The following PRKAR1B variants were observed in gnomAD, a reference collection of about 807,000 sequenced individuals.
The protein encoded by PRKAR1B is protein kinase cAMP-dependent type I regulatory subunit beta, also known as cAMP-dependent protein kinase type I-beta regulatory subunit.
PRKAR1B carries 22 observed loss-of-function variants against 46.5 expected under a neutral mutation model. That is an observed-to-expected ratio of 0.47 (90% CI 0.34 to 0.68). PRKAR1B has a LOEUF of 0.68. Ranked by LOEUF, PRKAR1B falls within the 30% of genes least tolerant of loss-of-function variation. PRKAR1B has a pLI of 0.01. For missense variants in PRKAR1B, 445 were observed against 535.6 expected (o/e 0.83, Z 1.67); for synonymous variants, 259 against 217.7 (o/e 1.19, Z -1.67).
chr7:574,086 C>T (rs1014317020), intron 9 of PRKAR1B, among the ~76,000 whole-genome samples: 5 of 152,240 alleles, frequency 3.3e-5, no homozygotes, highest in African/African-American at 9.6e-5. Context: ...TCTGTGAAGA[C>T]GCACCCACGA....
chr7:557,119 T>G (rs536561557), intron 9 of PRKAR1B, among the ~76,000 whole-genome samples: 151 of 152,168 alleles, frequency 9.9e-4, no homozygotes, highest in African/African-American at 3.4e-3. Flanking sequence ...GGGAGCGCGG[T>G]CTCCTCAGCG....
intron 4 of PRKAR1B, among the ~76,000 whole-genome samples, chr7:631,502 C>T (rs989003348): frequency 6.6e-6 from 1 of 152,210 alleles, no homozygotes; most frequent in Non-Finnish European, 1.5e-5. Flanking sequence ...AGCACCCAGA[C>T]AGAAGCCAGT....
intron 2 of PRKAR1B, 41 bp from the exon 3 acceptor site, chr7:680,767 G>C (rs772199315): frequency 5.0e-5 from 81 of 1,611,096 alleles, no homozygotes; most frequent in Non-Finnish European, 6.3e-5. Flanking sequence ...GTAAGAACCT[G>C]GCTGTCCCGG....
chr7:693,561 C>T (rs115333110), intron 2 of PRKAR1B, among the ~76,000 whole-genome samples: 5,092 of 152,214 alleles, frequency 0.033, 310 homozygotes, highest in African/African-American at 0.12. Flanking sequence ...GGTTCGTCCG[C>T]GCTGTGCTGC....
intron 2 of PRKAR1B, among the ~76,000 whole-genome samples, chr7:685,306 ACG>A (rs373947057): frequency 0.063 from 839 of 13,370 alleles, 132 homozygotes; most frequent in African/African-American, 0.15. Context: ...ATATATATAT[ACG>A]TATATATACG....
At chr7:621,487 T>A (rs1783105550) in intron 4 of PRKAR1B, among the ~76,000 whole-genome samples, 1 of 152,222 alleles carries the variant, frequency 6.6e-6, no homozygotes, top group African/African-American at 2.4e-5. Context: ...AAAGCAAGAA[T>A]TCAGCTCACC....
At chr7:572,901 G>T (rs1270536151) in intron 9 of PRKAR1B, among the ~76,000 whole-genome samples, 2 of 152,242 alleles carry the variant, frequency 1.3e-5, no homozygotes, top group Non-Finnish European at 2.9e-5. Context: ...AGACAGGGCA[G>T]GACGCCGGCC....
intron 6 of PRKAR1B, among the ~76,000 whole-genome samples, chr7:604,894 C>G (rs1222837342): frequency 6.6e-6 from 1 of 151,990 alleles, no homozygotes; most frequent in African/African-American, 2.4e-5. Context: ...GGCAGGCATC[C>G]CAGACCCAGA....
intron 9 of PRKAR1B, among the ~76,000 whole-genome samples, chr7:562,191 C>T (rs1406070686): frequency 6.7e-6 from 1 of 149,382 alleles, no homozygotes; most frequent in African/African-American, 2.5e-5. Flanking sequence ...CTGCAGGTTC[C>T]GGGGAACCAG....
At chr7:590,870 C>T (rs1033292220) in intron 7 of PRKAR1B, among the ~76,000 whole-genome samples, 5 of 152,156 alleles carry the variant, frequency 3.3e-5, no homozygotes, top group Admixed American at 6.5e-5. Flanking sequence ...TTTTCAGAAA[C>T]GCCGAGCCCA....
Position 606,213 on chromosome 7 carries a change from CG to C in PRKAR1B, c.528del (p.Val177LeufsTer10). 1 of 1,613,946 alleles carries C rather than the reference CG, an allele frequency of 6.2e-7. No homozygotes were observed. The highest frequency in any genetic ancestry group is 8.5e-7 in the Non-Finnish European group (1 of 1,179,878). On this transcript the variant is annotated frameshift_variant, in exon 6 of 11. Transcript: ENST00000537384. LOFTEE classifies it high-confidence loss of function. Reference sequence around the variant, plus strand: ...CTCACATCCACTTCCCCTTGATCAACGACATAGAAGTTGTCTCCTTCATTCC... The same window carrying C: ...CTCACATCCACTTCCCCTTGATCAACACATAGAAGTTGTCTCCTTCATTCC... The part of the protein sequence containing the change: ...QQGNEGDNFY[V>X]VDQGEVDVYV...
At chr7:709,717 G>C (rs1780523646) in intron 2 of PRKAR1B, among the ~76,000 whole-genome samples, 1 of 152,102 alleles carries the variant, frequency 6.6e-6, no homozygotes, top group Non-Finnish European at 1.5e-5. Context: ...GCCCAGGCTG[G>C]AGTGCAGTGG....
intron 4 of PRKAR1B, among the ~76,000 whole-genome samples, chr7:657,010 C>CGGAT (rs1212960896): frequency 1.9e-5 from 2 of 106,934 alleles, no homozygotes; most frequent in Non-Finnish European, 3.9e-5. Flanking sequence ...GATGGATGGA[C>CGGAT]GGATGGATGG....
At chr7:610,042 C>T (rs1469275328) in intron 4 of PRKAR1B, among the ~76,000 whole-genome samples, 1 of 152,222 alleles carries the variant, frequency 6.6e-6, no homozygotes, top group African/African-American at 2.4e-5. Context: ...TGCACCCGCC[C>T]TGCCTGGCAT....
At chr7:727,032 G>A in intron 1 of PRKAR1B, 178 bp downstream of exon 1, 1 of 1,131,736 alleles carries the variant, frequency 8.8e-7, no homozygotes, top group Non-Finnish European at 1.1e-6. Flanking sequence ...ATCTGGGCCT[G>A]CGCCGCGCCG....
chr7:719,653 C>T (rs932561687), intron 1 of PRKAR1B, among the ~76,000 whole-genome samples: 6 of 152,146 alleles, frequency 3.9e-5, no homozygotes, highest in Non-Finnish European at 8.8e-5. Context: ...TATAGCTATT[C>T]CGTCTGGCAG....
rs562983066 is a variant in PRKAR1B at position 692,308 on chromosome 7, G to C, written c.178-11582C>G. On this transcript the variant is annotated intron_variant, in intron 2 of 10. Transcript: ENST00000537384. ...CCAGCTACTTGGGAGGCTGAGGCAG[G>C]AGAATCGATTGAACCCAGGAGGTGG... Among the ~76,000 whole-genome samples, 6 of 152,366 alleles carry C rather than the reference G, an allele frequency of 3.9e-5. No individual in the cohort carries two copies. In the East Asian group the frequency reaches 1.2e-3, roughly 29 times the overall value.
intron 7 of PRKAR1B, among the ~76,000 whole-genome samples, chr7:592,783 A>C (rs1490573475): frequency 6.6e-6 from 1 of 152,226 alleles, no homozygotes; most frequent in Non-Finnish European, 1.5e-5. Context: ...CTATAGACCC[A>C]GCACTGTGGG....
intron 2 of PRKAR1B, among the ~76,000 whole-genome samples, chr7:686,237 C>T (rs1455001161): frequency 1.3e-5 from 2 of 151,494 alleles, no homozygotes; most frequent in Non-Finnish European, 2.9e-5. Flanking sequence ...GGAGGTGGAG[C>T]TTGCAGTGAG....
Sources: gnomAD v4.1 joint callset for allele counts (sites outside exome capture counted in the v4.1 genomes callset) on GRCh38, gnomAD v4.1.1 for gene constraint, MANE v1.5 for transcripts, NCBI Gene and HGNC (gene_info 2026-07-23, HGNC 2026-07-21) for gene names.